PARD3B: variants seen among roughly 807,000 people sequenced by gnomAD.
PARD3B encodes par-3 family cell polarity regulator beta.
PARD3B carries 103 observed loss-of-function variants against 130.2 expected under a neutral mutation model. The observed-to-expected ratio is 0.79, with a 90% confidence interval of 0.67 to 0.93. The LOEUF is 0.93. Among genes scored for constraint, PARD3B ranks in the 40% least tolerant of loss-of-function variants. The probability of loss-of-function intolerance (pLI) is 0.00; values close to 1 mark genes in which losing one functional copy is unlikely to be tolerated. For synonymous variants in PARD3B, 583 were observed against 553.2 expected (o/e 1.05, Z -0.76); for missense variants, 1,609 against 1,499.2 (o/e 1.07, Z -1.21).
At chr2:204,666,139 A>G (rs2036012747) in intron 1 of PARD3B, among the ~76,000 whole-genome samples, 2 of 152,220 alleles carry the variant, frequency 1.3e-5, no homozygotes, top group Non-Finnish European at 2.9e-5. Flanking sequence ...GGAGTAAAGC[A>G]TTTTAAGTTG....
Position 205,263,310 on chromosome 2 carries a change from G to C in PARD3B, c.2185+17488G>C, listed in dbSNP as rs1416759841. On this transcript the variant is annotated intron_variant, in intron 16 of 22. Transcript: ENST00000406610. This position sits in a 1 kb window ranked among gnomAD's most constrained non-coding sequence, Gnocchi z 4.0. ...AAAGGTGGTGGGGCAAAAACAGTGG[G>C]AATATATGGAAGCAGCAAGGAACAT... is the stretch of plus-strand genomic sequence containing the variant. Among the ~76,000 whole-genome samples, 1 of 151,504 alleles carries C rather than the reference G, an allele frequency of 6.6e-6. No homozygotes were observed.
At chr2:204,980,674 C>T (rs35282064) in intron 3 of PARD3B, among the ~76,000 whole-genome samples, 39,030 of 152,076 alleles carry the variant, frequency 0.26, 5,358 homozygotes, top group Admixed American at 0.4. Flanking sequence ...TACCCCCAGG[C>T]TAATCATGAG....
chr2:205,227,373 A>G (rs1392829780), intron 15 of PARD3B, among the ~76,000 whole-genome samples: 2 of 152,176 alleles, frequency 1.3e-5, no homozygotes, highest in African/African-American at 4.8e-5. Flanking sequence ...TGTTGGATGC[A>G]TATACATTTA....
chr2:204,965,204 G>A lies in PARD3B; in HGVS notation c.275G>A (p.Ser92Asn), dbSNP rs1168635893. 6.2e-7 allele frequency: 1 copy of A among 1,613,984 alleles called. No individual in the cohort carries two copies. Among genetic ancestry groups the A allele is most frequent in the East Asian group, 2.2e-5 (1 of 44,880 alleles). Reference protein sequence around the residue: ...QEPLHKIESPSGNPADRQSPD... With the variant: ...QEPLHKIESPNGNPADRQSPD... ...CCACTCCACAAGATTGAGAGCCCCA[G>A]TGGAAACCCTGCAGATCGGCAGAGC... The change falls in exon 3 of 23, where the codon AGT becomes AAT. Residue 92 changes from serine (S) to asparagine (N), a missense_variant. Transcript: ENST00000406610.
intron 1 of PARD3B, among the ~76,000 whole-genome samples, chr2:204,667,354 TA>T (rs571291568): frequency 6.9e-4 from 104 of 151,774 alleles, no homozygotes; most frequent in African/African-American, 2.3e-3. Context: ...TTACCTTAAA[TA>T]TTTTTTTTTA....
intron 1 of PARD3B, among the ~76,000 whole-genome samples, chr2:204,612,642 T>C (rs1213783236): frequency 6.6e-6 from 1 of 152,204 alleles, no homozygotes; most frequent in Non-Finnish European, 1.5e-5. Context: ...ATTCCTCTTA[T>C]TGATATTTTA....
intron 1 of PARD3B, among the ~76,000 whole-genome samples, chr2:204,618,891 T>G (rs2034202390): frequency 6.6e-6 from 1 of 152,304 alleles, no homozygotes; most frequent in South Asian, 2.1e-4. Flanking sequence ...TTATTTTCCT[T>G]ATGATTTTTC....
intron 2 of PARD3B, among the ~76,000 whole-genome samples, chr2:204,764,647 G>A (rs1484210430): frequency 2.0e-5 from 3 of 151,594 alleles, no homozygotes; most frequent in African/African-American, 7.3e-5. Context: ...TGTTAGTACT[G>A]AATTTTATCA....
At chr2:205,005,041 A>G (rs1275658068) in intron 3 of PARD3B, among the ~76,000 whole-genome samples, 1 of 152,058 alleles carries the variant, frequency 6.6e-6, no homozygotes, top group Non-Finnish European at 1.5e-5. Context: ...GTTCTTTTAA[A>G]TCAAGCTGGT....
chr2:205,220,744 A>G (rs934679782), intron 15 of PARD3B, among the ~76,000 whole-genome samples: 10 of 152,274 alleles, frequency 6.6e-5, no homozygotes, highest in African/African-American at 2.2e-4. Flanking sequence ...CTCTGATAAG[A>G]TGACATTTTT....
chr2:205,006,608 T>C (rs1393066377), intron 3 of PARD3B, among the ~76,000 whole-genome samples: 2 of 152,172 alleles, frequency 1.3e-5, no homozygotes, highest in African/African-American at 2.4e-5. Context: ...TTTGTATATC[T>C]TTTTTTGAGA....
At chr2:205,469,460 G>A (rs1481207064) in intron 20 of PARD3B, among the ~76,000 whole-genome samples, 1 of 152,154 alleles carries the variant, frequency 6.6e-6, no homozygotes, top group Non-Finnish European at 1.5e-5. Flanking sequence ...TTCAGCAGGA[G>A]GAAGCACTTC....
chr2:204,590,831 A>G (rs2033042580), intron 1 of PARD3B, among the ~76,000 whole-genome samples: 1 of 152,228 alleles, frequency 6.6e-6, no homozygotes, highest in South Asian at 2.1e-4. Flanking sequence ...CTGAATCACC[A>G]TTCTTTGCTA....
At chr2:205,270,463 A>C (rs769015622) in intron 16 of PARD3B, among the ~76,000 whole-genome samples, 14 of 152,174 alleles carry the variant, frequency 9.2e-5, no homozygotes, top group Non-Finnish European at 1.9e-4. Context: ...GCTACTCAGG[A>C]GGCTGAGGCA....
chr2:204,670,302 T>G (rs758280416), intron 1 of PARD3B, among the ~76,000 whole-genome samples: 1 of 152,202 alleles, frequency 6.6e-6, no homozygotes, highest in Non-Finnish European at 1.5e-5. Context: ...TTTATCTTTA[T>G]TTACAAAAGC....
intron 15 of PARD3B, among the ~76,000 whole-genome samples, chr2:205,243,363 C>G (rs923566322): frequency 2.6e-5 from 4 of 152,164 alleles, no homozygotes; most frequent in African/African-American, 9.7e-5. Flanking sequence ...GTAATCATCA[C>G]CACAAACCTG....
In PARD3B at chr2:204,728,456, G is replaced by A. The variant is rs796510614; in HGVS notation, c.222+42174G>A. Among the ~76,000 whole-genome samples the A allele has an allele frequency of 2.0e-5, 3 of 152,264 alleles. No homozygotes were observed. In the South Asian group the frequency reaches 6.2e-4, roughly 32 times the overall value. Reference sequence around the variant, plus strand: ...CAGCTGGGCTGTGTGGAGCTTAAGAGAGTAAAAGGTGTTGAGGCTGAGGCA... The same window carrying A: ...CAGCTGGGCTGTGTGGAGCTTAAGAAAGTAAAAGGTGTTGAGGCTGAGGCA... On this transcript the variant is annotated intron_variant, in intron 2 of 22. Coordinates refer to ENST00000406610, the MANE Select transcript of PARD3B (RefSeq NM_001302769.2).
In PARD3B at chr2:204,890,502, G is replaced by A. The variant is rs1428527838; in HGVS notation, c.223-74650G>A. ...ATTGAATATATATTAAATTTATTGGGTAATTATTTAAAGGAACAGTATGTT... is the reference window on the plus strand; with the variant it reads ...ATTGAATATATATTAAATTTATTGGATAATTATTTAAAGGAACAGTATGTT... On this transcript the variant is annotated intron_variant, in intron 2 of 22. Transcript: ENST00000406610. This position sits in a 1 kb window ranked among gnomAD's most constrained non-coding sequence, Gnocchi z 4.9. 6.6e-6 allele frequency among the ~76,000 whole-genome samples: 1 copy of A among 152,066 alleles called. No individual in the cohort carries two copies. Among genetic ancestry groups the A allele is most frequent in the Non-Finnish European group, 1.5e-5 (1 of 68,020 alleles).
chr2:205,064,416 A>C (rs1258369662), intron 4 of PARD3B, among the ~76,000 whole-genome samples: 2 of 152,110 alleles, frequency 1.3e-5, no homozygotes, highest in African/African-American at 4.8e-5. Context: ...GGCTGCTAAG[A>C]ACTCTGCTTT....
Sources: allele counts gnomAD v4.1 joint callset (sites outside exome capture counted in the v4.1 genomes callset), GRCh38; gene constraint gnomAD v4.1.1; non-coding constraint Gnocchi (gnomAD v3.1); transcripts MANE v1.5; gene names NCBI Gene and HGNC (gene_info 2026-07-23, HGNC 2026-07-21).